CAMKMT: variants seen among roughly 807,000 people sequenced by gnomAD.
CAMKMT encodes the protein CaM KMT.
In CAMKMT, 53 loss-of-function variants were observed where a neutral mutation model predicts 48.0. That is an observed-to-expected ratio of 1.10 (90% CI 0.89 to 1.39). CAMKMT has a LOEUF of 1.39. Ranked by LOEUF, CAMKMT falls within the 40% of genes most tolerant of loss-of-function variation. The pLI is 0.00. For synonymous variants in CAMKMT, 165 were observed against 152.3 expected (o/e 1.08, Z -0.61); for missense variants, 428 against 402.7 (o/e 1.06, Z -0.54).
intron 3 of CAMKMT, among the ~76,000 whole-genome samples, chr2:44,514,895 A>G (rs796605165): frequency 5.3e-5 from 8 of 152,348 alleles, no homozygotes; most frequent in African/African-American, 1.7e-4. Context: ...CTCATAAATC[A>G]TAGGATATGG....
intron 2 of CAMKMT, among the ~76,000 whole-genome samples, chr2:44,381,854 G>A (rs1201232294): frequency 6.6e-6 from 1 of 151,652 alleles, no homozygotes; most frequent in Non-Finnish European, 1.5e-5. Context: ...GTTTTTTCTT[G>A]AAGGAACCGT....
At chr2:44,660,371 T>A (rs1674614758) in intron 3 of CAMKMT, among the ~76,000 whole-genome samples, 1 of 152,246 alleles carries the variant, frequency 6.6e-6, no homozygotes, top group Admixed American at 6.5e-5. Flanking sequence ...GTCAAGGGGA[T>A]GCTCCAGGGT....
At chr2:44,533,165 C>T (rs943671488) in intron 3 of CAMKMT, among the ~76,000 whole-genome samples, 2 of 151,872 alleles carry the variant, frequency 1.3e-5, no homozygotes, top group Non-Finnish European at 1.5e-5. Context: ...AGAAATACAA[C>T]TTTAAGATGG....
chr2:44,660,625 T>C (rs879505953), intron 3 of CAMKMT, among the ~76,000 whole-genome samples: 3 of 152,202 alleles, frequency 2.0e-5, no homozygotes, highest in Non-Finnish European at 4.4e-5. Flanking sequence ...TTTTTTTGTT[T>C]GTTTGTTTTG....
chr2:44,432,563 A>G (rs1194524167), intron 3 of CAMKMT, among the ~76,000 whole-genome samples: 1 of 152,194 alleles, frequency 6.6e-6, no homozygotes, highest in Non-Finnish European at 1.5e-5. Flanking sequence ...CCACGAAGTA[A>G]TTACAGGGTA....
intron 3 of CAMKMT, among the ~76,000 whole-genome samples, chr2:44,542,642 A>C (rs1667195303): frequency 6.6e-6 from 1 of 152,134 alleles, no homozygotes; most frequent in South Asian, 2.1e-4. Flanking sequence ...AAAGATCTAA[A>C]TGAGTTAGTT....
chr2:44,534,793 T>C (rs541903837), intron 3 of CAMKMT, among the ~76,000 whole-genome samples: 96 of 151,676 alleles, frequency 6.3e-4, no homozygotes, highest in African/African-American at 2.1e-3. Context: ...TTCAAATAAA[T>C]AATCTAGCAA....
intron 3 of CAMKMT, among the ~76,000 whole-genome samples, chr2:44,562,203 C>G (rs1050100638): frequency 2.6e-5 from 4 of 152,140 alleles, no homozygotes; most frequent in South Asian, 4.1e-4. Context: ...GCCATGTCCC[C>G]CTTCCCATTC....
intron 3 of CAMKMT, among the ~76,000 whole-genome samples, chr2:44,607,485 A>G (rs1671350502): frequency 6.6e-6 from 1 of 152,208 alleles, no homozygotes; most frequent in Non-Finnish European, 1.5e-5. Context: ...GGTTTCTAGT[A>G]GTGAACATAA....
intron 3 of CAMKMT, among the ~76,000 whole-genome samples, chr2:44,613,578 C>T (rs1572919702): frequency 6.6e-6 from 1 of 152,164 alleles, no homozygotes; most frequent in South Asian, 2.1e-4. Flanking sequence ...GTGAATAAGT[C>T]ACATCCCCTG....
intron 2 of CAMKMT, among the ~76,000 whole-genome samples, chr2:44,379,049 A>G (rs77278087): frequency 0.048 from 7,258 of 152,236 alleles, 517 homozygotes; most frequent in East Asian, 0.35. Context: ...GAAACCCCAT[A>G]TACATTGGCT....
At chr2:44,627,297 G>C (rs1672536191) in intron 3 of CAMKMT, among the ~76,000 whole-genome samples, 1 of 152,068 alleles carries the variant, frequency 6.6e-6, no homozygotes, top group Non-Finnish European at 1.5e-5. Context: ...ATTTTATTAA[G>C]GGTGGTGTCA....
intron 8 of CAMKMT, among the ~76,000 whole-genome samples, chr2:44,752,283 G>A (rs1680185023): frequency 6.7e-6 from 1 of 148,836 alleles, no homozygotes; most frequent in African/African-American, 2.5e-5. Flanking sequence ...GTATGGCATG[G>A]CAAAAACCGC....
At chr2:44,680,867 C>T (rs1009661385) in intron 3 of CAMKMT, among the ~76,000 whole-genome samples, 8 of 152,110 alleles carry the variant, frequency 5.3e-5, no homozygotes, top group Admixed American at 1.3e-4. Flanking sequence ...AAAAAGTATG[C>T]GCCACTAAAC....
intron 3 of CAMKMT, among the ~76,000 whole-genome samples, chr2:44,556,350 G>A (rs894230933): frequency 6.6e-6 from 1 of 151,796 alleles, no homozygotes; most frequent in African/African-American, 2.4e-5. Flanking sequence ...TGTTGTCCAG[G>A]CTGTTCTTGA....
intron 3 of CAMKMT, among the ~76,000 whole-genome samples, chr2:44,526,551 G>C (rs1671413075): frequency 6.6e-6 from 1 of 152,254 alleles, no homozygotes; most frequent in South Asian, 2.1e-4. Flanking sequence ...TGTAAGTCCT[G>C]GTCTGAGTCC....
intron 3 of CAMKMT, among the ~76,000 whole-genome samples, chr2:44,396,346 CAT>C (rs1227108300): frequency 2.6e-5 from 4 of 151,986 alleles, no homozygotes; most frequent in African/African-American, 9.7e-5. Flanking sequence ...TTATTTATGA[CAT>C]ATATTCAGAT....
At chr2:44,706,439 A>G in intron 5 of CAMKMT, 98 bp downstream of exon 5, 1 of 1,185,320 alleles carries the variant, frequency 8.4e-7, no homozygotes, top group Non-Finnish European at 1.3e-6. Context: ...CGTCAACAGC[A>G]TCAGCTGCGG....
intron 3 of CAMKMT, among the ~76,000 whole-genome samples, chr2:44,558,406 C>T (rs964820113): frequency 6.6e-6 from 1 of 152,088 alleles, no homozygotes; most frequent in African/African-American, 2.4e-5. Context: ...AAGTTTAGAC[C>T]TCGGGTGGAC....
Sources: allele counts gnomAD v4.1 joint callset (sites outside exome capture counted in the v4.1 genomes callset), GRCh38; gene constraint gnomAD v4.1.1; transcripts MANE v1.5; gene names NCBI Gene and HGNC (gene_info 2026-07-23, HGNC 2026-07-21).